ROBO2: variants seen among roughly 807,000 people sequenced by gnomAD.
ROBO2 encodes the protein roundabout homolog 2.
Under a neutral mutation model 160.8 loss-of-function variants are expected in ROBO2, and 53 were observed. That is an observed-to-expected ratio of 0.33 (90% confidence interval 0.26 to 0.41). The LOEUF (loss-of-function observed/expected upper bound fraction) is 0.41, where lower values mean the gene tolerates loss of function less well. Among genes scored for constraint, ROBO2 ranks in the 10% least tolerant of loss-of-function variants. The pLI is 1.00. For synonymous variants in ROBO2, 664 were observed against 611.7 expected (o/e 1.09, Z -1.26); for missense variants, 1,577 against 1,722.4 (o/e 0.92, Z 1.49).
At chr3:77,272,423 G>A (rs996640749) in intron 2 of ROBO2, among the ~76,000 whole-genome samples, 33 of 152,022 alleles carry the variant, frequency 2.2e-4, no homozygotes, top group Non-Finnish European at 3.1e-4. Flanking sequence ...GGGCGGGGGG[G>A]AGGTGTCACA....
intron 2 of ROBO2, among the ~76,000 whole-genome samples, chr3:76,159,463 T>A (rs1343600972): frequency 2.6e-5 from 4 of 152,228 alleles, no homozygotes; most frequent in Admixed American, 6.5e-5. Flanking sequence ...CCACACATTT[T>A]AAATTTTTTT....
chr3:76,335,183 T>G (rs893203239), intron 2 of ROBO2, among the ~76,000 whole-genome samples: 51 of 139,030 alleles, frequency 3.7e-4, no homozygotes, highest in African/African-American at 1.2e-3. Context: ...GTTTTGTTTT[T>G]TTTTTTTTTT....
intron 2 of ROBO2, among the ~76,000 whole-genome samples, chr3:76,576,212 A>G (rs754520181): frequency 5.3e-5 from 8 of 152,146 alleles, no homozygotes; most frequent in Non-Finnish European, 1.2e-4. Context: ...TGAATTTCTT[A>G]GCAAACACAA....
chr3:77,602,139 A>T, intron 19 of ROBO2, 71 bp from the exon 21 acceptor site: 2 of 1,478,166 alleles, frequency 1.4e-6, no homozygotes, highest in Non-Finnish European at 1.9e-6. Context: ...CTTATTTTTC[A>T]TCTTCAGTCC....
chr3:76,746,055 A>T (rs13353442), intron 2 of ROBO2, among the ~76,000 whole-genome samples: 2,222 of 144,664 alleles, frequency 0.015, 49 homozygotes, highest in African/African-American at 0.05. Context: ...CATTGTTCAA[A>T]TCCCACCTAT....
intron 2 of ROBO2, among the ~76,000 whole-genome samples, chr3:76,187,234 A>G (rs936091518): frequency 2.6e-5 from 4 of 152,010 alleles, no homozygotes; most frequent in Admixed American, 2.0e-4. Context: ...CTGACATTAC[A>G]TCTTGAAAGC....
In ROBO2 at chr3:76,091,362, G is replaced by A. The variant is rs540516351; in HGVS notation, c.109+153760G>A. Reference sequence around the variant, plus strand: ...ATTCAGCATATATAATTAAGGAATCGCAAATTGAAACAATAATGAGAAATC... The same window carrying A: ...ATTCAGCATATATAATTAAGGAATCACAAATTGAAACAATAATGAGAAATC... On this transcript the variant is annotated intron_variant, in intron 2 of 26. Transcript: ENST00000487694. Among the ~76,000 whole-genome samples, 13 of 152,132 alleles carry A rather than the reference G, an allele frequency of 8.5e-5. No homozygotes were observed. In the East Asian group the frequency reaches 2.3e-3, roughly 27 times the overall value.
At chr3:76,242,949 G>C (rs1173630607) in intron 2 of ROBO2, among the ~76,000 whole-genome samples, 3 of 151,962 alleles carry the variant, frequency 2.0e-5, no homozygotes, top group African/African-American at 7.2e-5. Flanking sequence ...AACAAATCCT[G>C]ATCTAACACG....
intron 2 of ROBO2, among the ~76,000 whole-genome samples, chr3:76,581,464 T>C (rs1044150988): frequency 6.6e-6 from 1 of 151,890 alleles, no homozygotes; most frequent in Non-Finnish European, 1.5e-5. Context: ...TGGCGAGATG[T>C]TGTCTCTAAA....
At chr3:77,250,803 C>CT (rs561762741) in intron 2 of ROBO2, among the ~76,000 whole-genome samples, 236 of 152,208 alleles carry the variant, frequency 1.6e-3, no homozygotes, top group African/African-American at 5.6e-3. Context: ...CTGAACTCAT[C>CT]TTTTTATCAG....
At chr3:77,367,761 CA>C (rs551394297) in intron 2 of ROBO2, among the ~76,000 whole-genome samples, 1 of 152,068 alleles carries the variant, frequency 6.6e-6, no homozygotes, top group Non-Finnish European at 1.5e-5. Flanking sequence ...TTATCCTCTC[CA>C]TGGGATTCTG....
At chr3:77,569,354 G>C (rs2093579171) in intron 13 of ROBO2, among the ~76,000 whole-genome samples, 1 of 151,752 alleles carries the variant, frequency 6.6e-6, no homozygotes, top group African/African-American at 2.4e-5. Flanking sequence ...TCTGCCATTT[G>C]GATTATACCC....
intron 2 of ROBO2, among the ~76,000 whole-genome samples, chr3:76,916,720 A>G (rs2076338594): frequency 6.6e-6 from 1 of 152,090 alleles, no homozygotes; most frequent in African/African-American, 2.4e-5. Context: ...AAAGGAGTAA[A>G]ATCATCTAAC....
At position 77,112,177 on chromosome 3, in the gene ROBO2, A is replaced by G. The variant is rs1264485210; in HGVS notation, c.388+13837A>G. 7.4e-5 allele frequency among the ~76,000 whole-genome samples: 10 copies of G among 135,898 alleles called. No homozygotes were observed. The South Asian group carries it at 2.3e-3, about 32-fold the overall frequency. 89.2% of individuals were successfully genotyped at this position (135,898 alleles called of 152,430 possible). Reference sequence around the variant, plus strand: ...GCCGTCGCATTCCAGCCTGGGTGACAGAGCGAGACTCGTCTCAAAAAAAAA... The same window carrying G: ...GCCGTCGCATTCCAGCCTGGGTGACGGAGCGAGACTCGTCTCAAAAAAAAA... On this transcript the variant is annotated intron_variant, in intron 2 of 25. Transcript: ENST00000461745.
intron 2 of ROBO2, among the ~76,000 whole-genome samples, chr3:76,626,807 C>T (rs2089672873): frequency 6.6e-6 from 1 of 152,152 alleles, no homozygotes; most frequent in Non-Finnish European, 1.5e-5. Flanking sequence ...ATTCTCCTGC[C>T]TCAGCCTCCC....
At chr3:76,740,725 T>G (rs2093788238) in intron 2 of ROBO2, among the ~76,000 whole-genome samples, 1 of 152,246 alleles carries the variant, frequency 6.6e-6, no homozygotes, top group East Asian at 1.9e-4. Context: ...AACTAAAATA[T>G]ATTGCTTTCT....
chr3:75,936,849 T>C (rs1017647270), intron 1 of ROBO2, among the ~76,000 whole-genome samples: 6 of 152,018 alleles, frequency 3.9e-5, no homozygotes, highest in African/African-American at 1.2e-4. Flanking sequence ...ATAATATTTG[T>C]ATATATGAAA....
chr3:77,536,440 A>T (rs949709100), intron 6 of ROBO2, among the ~76,000 whole-genome samples: 2 of 145,466 alleles, frequency 1.4e-5, no homozygotes, highest in Non-Finnish European at 3.0e-5. Context: ...CTCTCCCTCC[A>T]TCTCTTTCCT....
Position 77,568,301 on chromosome 3 carries a change from C to A in ROBO2, c.1850-12C>A, listed in dbSNP as rs2093547027. 6.2e-7 allele frequency: 1 copy of A among 1,612,226 alleles called. No individual in the cohort carries two copies. Among genetic ancestry groups the A allele is most frequent in the African/African-American group, 1.3e-5 (1 of 74,772 alleles). On this transcript the variant is annotated splice_polypyrimidine_tract_variant and intron_variant, in intron 12 of 25. Transcript: ENST00000461745. ...TTTTAAAGGTGGGAATGATTCTCTT[C>A]TCTAACTGCAGATATCAGCCCACCA... is the stretch of plus-strand genomic sequence containing the variant.
Sources: allele counts gnomAD v4.1 joint callset (sites outside exome capture counted in the v4.1 genomes callset), GRCh38; gene constraint gnomAD v4.1.1; transcripts MANE v1.5; gene names NCBI Gene and HGNC (gene_info 2026-07-23, HGNC 2026-07-21).